NRXN1: variants seen among roughly 807,000 people sequenced by gnomAD.
NRXN1 encodes neurexin-1.
Under a neutral mutation model 150.9 loss-of-function variants are expected in NRXN1, and 39 were observed. The ratio of observed to expected loss-of-function variants is 0.26; its 90% CI spans 0.20 to 0.34. The LOEUF (loss-of-function observed/expected upper bound fraction) is 0.34. Among genes scored for constraint, NRXN1 ranks in the 10% least tolerant of loss-of-function variants. The pLI, the probability that NRXN1 is intolerant of heterozygous loss-of-function variation, is 1.00. For synonymous variants in NRXN1, 924 were observed against 757.0 expected (o/e 1.22, Z -3.62); for missense variants, 1,815 against 1,949.9 (o/e 0.93, Z 1.30).
intron 5 of NRXN1, among the ~76,000 whole-genome samples, chr2:50,684,020 T>C (rs1306415833): frequency 1.3e-5 from 2 of 151,990 alleles, no homozygotes; most frequent in Non-Finnish European, 1.5e-5. Context: ...ATGCATTTCA[T>C]CTTTGGCAAT....
chr2:50,703,344 C>T (rs1407578927), intron 5 of NRXN1, among the ~76,000 whole-genome samples: 1 of 152,044 alleles, frequency 6.6e-6, no homozygotes, highest in Non-Finnish European at 1.5e-5. Context: ...ATTGCAGTAA[C>T]AGATAAATGC....
intron 5 of NRXN1, among the ~76,000 whole-genome samples, chr2:50,691,817 A>G (rs1692127105): frequency 6.6e-6 from 1 of 152,066 alleles, no homozygotes; most frequent in Non-Finnish European, 1.5e-5. Flanking sequence ...TCTCTCATTC[A>G]CTTTCTCTCT....
At chr2:50,587,132 C>T (rs113364639) in intron 8 of NRXN1, among the ~76,000 whole-genome samples, 4 of 152,418 alleles carry the variant, frequency 2.6e-5, no homozygotes, top group Admixed American at 2.0e-4. Flanking sequence ...TTGGGTTTTG[C>T]TGCAAACCTA....
chr2:50,162,469 T>C (rs1268150826), intron 18 of NRXN1, among the ~76,000 whole-genome samples: 1 of 152,082 alleles, frequency 6.6e-6, no homozygotes, highest in East Asian at 1.9e-4. Flanking sequence ...TCCTTCAGAA[T>C]TACTCTTAAA....
intron 21 of NRXN1, among the ~76,000 whole-genome samples, chr2:49,996,205 T>TA (rs1453558279): frequency 6.6e-6 from 1 of 152,090 alleles, no homozygotes; most frequent in Non-Finnish European, 1.5e-5. Flanking sequence ...TTCACAGAGG[T>TA]AAAAAATTAA....
At chr2:50,517,745 G>T (rs938482145) in intron 12 of NRXN1, among the ~76,000 whole-genome samples, 1 of 152,114 alleles carries the variant, frequency 6.6e-6, no homozygotes, top group Non-Finnish European at 1.5e-5. Flanking sequence ...AGTTGGCTTA[G>T]AAATTGGGGG....
chr2:50,312,938 GC>G (rs1397405421), intron 17 of NRXN1, among the ~76,000 whole-genome samples: 1 of 152,078 alleles, frequency 6.6e-6, no homozygotes, highest in African/African-American at 2.4e-5. Context: ...AGTTCTTGGG[GC>G]TTTCTTGGGA....
chr2:50,061,704 G>C (rs547386352), intron 19 of NRXN1, among the ~76,000 whole-genome samples: 1 of 152,258 alleles, frequency 6.6e-6, no homozygotes, highest in African/African-American at 2.4e-5. Context: ...TCATTGAATA[G>C]TTAAAAGATA....
intron 19 of NRXN1, among the ~76,000 whole-genome samples, chr2:50,070,913 C>T (rs1163346138): frequency 2.0e-5 from 3 of 151,758 alleles, no homozygotes; most frequent in Non-Finnish European, 4.4e-5. Flanking sequence ...CAGAATAAAA[C>T]TATAAATTTC....
At chr2:50,402,606 C>A (rs1303817161) in intron 17 of NRXN1, among the ~76,000 whole-genome samples, 1 of 152,002 alleles carries the variant, frequency 6.6e-6, no homozygotes, top group Non-Finnish European at 1.5e-5. Context: ...CTTGGTTAGG[C>A]CATATCATGT....
chr2:50,643,720 G>T (rs990546251), intron 5 of NRXN1, among the ~76,000 whole-genome samples: 2 of 151,618 alleles, frequency 1.3e-5, no homozygotes, highest in Non-Finnish European at 2.9e-5. Context: ...TACTTACATC[G>T]ATTTCTAGAC....
intron 8 of NRXN1, among the ~76,000 whole-genome samples, chr2:50,579,068 G>T (rs1302299393): frequency 6.6e-6 from 1 of 152,072 alleles, no homozygotes; most frequent in African/African-American, 2.4e-5. Flanking sequence ...AATCATCCAA[G>T]ATATTAATAT....
chr2:50,683,646 A>AAAAAAAAATATATAT lies in NRXN1; in HGVS notation c.833-60032_833-60031insATATATATTTTTTTT. Among the ~76,000 whole-genome samples the AAAAAAAAATATATAT allele has an allele frequency of 6.6e-3, 98 of 14,862 alleles. 10 individuals are homozygous for AAAAAAAAATATATAT. The highest frequency in any genetic ancestry group is 8.4e-3 in the Non-Finnish European group (77 of 9,166). 9.8% of individuals were successfully genotyped at this position (14,862 alleles called of 152,430 possible). ...GACTCCGTCTCAAAAAAAAAAAAAA[A>AAAAAAAAATATATAT]ATATATATATATATATATATGTTAT... On this transcript the variant is annotated intron_variant, in intron 5 of 22. Coordinates refer to ENST00000401669, the MANE Select transcript of NRXN1 (RefSeq NM_001330078.2).
At chr2:50,212,181 T>A (rs1383545749) in intron 18 of NRXN1, among the ~76,000 whole-genome samples, 3 of 151,700 alleles carry the variant, frequency 2.0e-5, no homozygotes, top group African/African-American at 7.2e-5. Context: ...TTGTGAGTCA[T>A]CTTTTTTCAG....
intron 21 of NRXN1, among the ~76,000 whole-genome samples, chr2:50,034,630 C>T (rs1026549822): frequency 6.6e-6 from 1 of 151,926 alleles, no homozygotes; most frequent in South Asian, 2.1e-4. Context: ...TGCACATGTA[C>T]CCCTGAACTT....
chr2:50,670,142 G>A (rs770881122), intron 5 of NRXN1, among the ~76,000 whole-genome samples: 8 of 151,674 alleles, frequency 5.3e-5, no homozygotes, highest in Non-Finnish European at 1.2e-4. Flanking sequence ...GTTGCACTAT[G>A]TATCTAATGA....
intron 16 of NRXN1, 121 bp from the exon 17 acceptor site, chr2:50,465,682 A>C: frequency 9.9e-7 from 1 of 1,007,618 alleles, no homozygotes; most frequent in Non-Finnish European, 1.4e-6. Flanking sequence ...ACTAGTTTTT[A>C]AAGTTCTAGT....
At chr2:51,007,484 A>C (rs1329951386) in intron 2 of NRXN1, among the ~76,000 whole-genome samples, 3 of 151,970 alleles carry the variant, frequency 2.0e-5, no homozygotes, top group Non-Finnish European at 4.4e-5. Flanking sequence ...TTAGGGGTTT[A>C]GGAAAATTGT....
At chr2:50,889,210 A>C (rs1680698120) in intron 5 of NRXN1, among the ~76,000 whole-genome samples, 2 of 151,660 alleles carry the variant, frequency 1.3e-5, no homozygotes, top group South Asian at 4.1e-4. Context: ...TCCCACCAAT[A>C]CTTGAAATTG....
Sources: allele counts gnomAD v4.1 joint callset (sites outside exome capture counted in the v4.1 genomes callset), GRCh38; gene constraint gnomAD v4.1.1; transcripts MANE v1.5; gene names NCBI Gene and HGNC (gene_info 2026-07-23, HGNC 2026-07-21).